The following CNTNAP2 variants were observed in gnomAD, a reference collection of about 807,000 sequenced individuals.
CNTNAP2 encodes the protein contactin associated protein 2.
CNTNAP2 carries 98 observed loss-of-function variants against 155.2 expected under a neutral mutation model. The observed-to-expected ratio is 0.63, with a 90% CI of 0.54 to 0.75. The LOEUF is 0.75. Among genes scored for constraint, CNTNAP2 ranks in the 30% least tolerant of loss-of-function variants. The pLI is 0.00. For synonymous variants in CNTNAP2, 651 were observed against 631.2 expected (o/e 1.03, Z -0.47); for missense variants, 1,727 against 1,688.1 (o/e 1.02, Z -0.40).
At chr7:148,202,741 C>T (rs1795387276) in intron 18 of CNTNAP2, among the ~76,000 whole-genome samples, 1 of 152,152 alleles carries the variant, frequency 6.6e-6, no homozygotes, top group Non-Finnish European at 1.5e-5. Context: ...GGCAAATGCC[C>T]CCACGATGTT....
At chr7:148,161,332 T>C (rs1805534436) in intron 17 of CNTNAP2, among the ~76,000 whole-genome samples, 1 of 152,180 alleles carries the variant, frequency 6.6e-6, no homozygotes, top group East Asian at 1.9e-4. Context: ...GTCCTGTCAT[T>C]TCGCCTTCTG....
intron 1 of CNTNAP2, among the ~76,000 whole-genome samples, chr7:146,546,994 T>C (rs939687908): frequency 1.3e-5 from 2 of 151,916 alleles, no homozygotes; most frequent in African/African-American, 4.8e-5. Flanking sequence ...TGTATCCACC[T>C]GAAGAAGAGA....
intron 10 of CNTNAP2, among the ~76,000 whole-genome samples, chr7:147,439,810 T>C (rs1436704299): frequency 6.6e-6 from 1 of 152,120 alleles, no homozygotes; most frequent in African/African-American, 2.4e-5. Flanking sequence ...TCTTGCTGAA[T>C]TGACCCCTTT....
At chr7:147,623,056 T>C (rs1335576741) in intron 12 of CNTNAP2, among the ~76,000 whole-genome samples, 1 of 151,994 alleles carries the variant, frequency 6.6e-6, no homozygotes. Flanking sequence ...CCTAGCAAGA[T>C]TTAACCAGGA....
intron 1 of CNTNAP2, among the ~76,000 whole-genome samples, chr7:146,412,535 A>G (rs949302604): frequency 2.6e-5 from 4 of 152,194 alleles, no homozygotes; most frequent in African/African-American, 9.6e-5. Flanking sequence ...TGTGAATAAT[A>G]TCTACTCAGG....
At chr7:147,988,214 T>A (rs1159706295) in intron 15 of CNTNAP2, among the ~76,000 whole-genome samples, 1 of 152,190 alleles carries the variant, frequency 6.6e-6, no homozygotes, top group Non-Finnish European at 1.5e-5. Flanking sequence ...GATAAAAGAT[T>A]GTGGATACCA....
At chr7:148,056,653 C>G (rs971218338) in intron 15 of CNTNAP2, 2 of 152,118 alleles carry the variant, frequency 1.3e-5, no homozygotes, top group Non-Finnish European at 2.9e-5. Context: ...GATCTGTGGT[C>G]CCTCCCGCAA....
At chr7:146,891,296 T>C (rs1208728561) in intron 3 of CNTNAP2, among the ~76,000 whole-genome samples, 2 of 152,084 alleles carry the variant, frequency 1.3e-5, no homozygotes, top group Non-Finnish European at 2.9e-5. Flanking sequence ...ACTTATTGGG[T>C]ACTGTGATCA....
intron 1 of CNTNAP2, among the ~76,000 whole-genome samples, chr7:146,755,221 C>T (rs368546040): frequency 4.6e-5 from 7 of 151,980 alleles, no homozygotes; most frequent in South Asian, 2.1e-4. Flanking sequence ...TTGGTGTTGT[C>T]GGTTACTTTG....
At chr7:147,470,503 T>C (rs1584753296) in intron 10 of CNTNAP2, among the ~76,000 whole-genome samples, 1 of 151,966 alleles carries the variant, frequency 6.6e-6, no homozygotes, top group African/African-American at 2.4e-5. Context: ...ATTAGGGTAA[T>C]AGCAGTAGAG....
chr7:146,922,101 G>T lies in CNTNAP2; in HGVS notation c.402+82197G>T, dbSNP rs566330315. On this transcript the variant is annotated intron_variant, in intron 3 of 23. Coordinates refer to ENST00000361727, the MANE Select transcript of CNTNAP2 (RefSeq NM_014141.6). ...CACCCAGTAATAATGCCAGTAGTCTGTTTATATGACATGCACAATCATTTT... is the reference window on the plus strand; with the variant it reads ...CACCCAGTAATAATGCCAGTAGTCTTTTTATATGACATGCACAATCATTTT... 9.9e-5 allele frequency among the ~76,000 whole-genome samples: 15 copies of T among 152,138 alleles called. No individual in the cohort carries two copies. In the South Asian group the frequency reaches 3.1e-3, roughly 32 times the overall value.
At chr7:148,343,352 T>C (rs1252184747) in intron 21 of CNTNAP2, among the ~76,000 whole-genome samples, 1 of 152,238 alleles carries the variant, frequency 6.6e-6, no homozygotes, top group Non-Finnish European at 1.5e-5. Context: ...AGTACAGTGC[T>C]TCTCAGACTA....
At chr7:147,591,887 T>G (rs1304190641) in intron 12 of CNTNAP2, among the ~76,000 whole-genome samples, 1 of 152,156 alleles carries the variant, frequency 6.6e-6, no homozygotes, top group African/African-American at 2.4e-5. Context: ...CTTTACAAAT[T>G]TTCTTTGCCT....
intron 4 of CNTNAP2, among the ~76,000 whole-genome samples, chr7:147,052,938 A>G (rs910004269): frequency 6.6e-6 from 1 of 152,040 alleles, no homozygotes; most frequent in Non-Finnish European, 1.5e-5. Context: ...TGTTCTTGCC[A>G]TTAAGAGATC....
In CNTNAP2 at chr7:146,833,287, C is replaced by T. The variant is rs1054543110; in HGVS notation, c.209-6424C>T. Among the ~76,000 whole-genome samples, 8 of 152,090 alleles carry T rather than the reference C, an allele frequency of 5.3e-5. No individual in the cohort carries two copies. The East Asian group carries it at 1.2e-3, about 22-fold the overall frequency. ...GTTGAACTTTTGACTTTGTTGACTT[C>T]GTGGCATTGGATTTCATTCCTGTCA... is the stretch of plus-strand genomic sequence containing the variant. On this transcript the variant is annotated intron_variant, in intron 2 of 23. Coordinates refer to ENST00000361727, the MANE Select transcript of CNTNAP2 (RefSeq NM_014141.6).
At chr7:146,721,889 A>ATATATATATATATTTTTTTTTTTTTTTTT in intron 1 of CNTNAP2, among the ~76,000 whole-genome samples, 1 of 69,736 alleles carries the variant, frequency 1.4e-5, no homozygotes, top group African/African-American at 1.9e-4. Context: ...ATATATATAT[A>ATATATATATATATTTTTTTTTTTTTTTTT]TTTTTTTTTT....
chr7:146,637,917 T>C (rs1174337657), intron 1 of CNTNAP2, among the ~76,000 whole-genome samples: 1 of 152,226 alleles, frequency 6.6e-6, no homozygotes, highest in African/African-American at 2.4e-5. Flanking sequence ...TGTTATTTGA[T>C]TTGTACAAAT....
intron 15 of CNTNAP2, among the ~76,000 whole-genome samples, chr7:147,989,024 G>A (rs1801667656): frequency 6.6e-6 from 1 of 152,194 alleles, no homozygotes; most frequent in South Asian, 2.1e-4. Flanking sequence ...AAGTGGAGGA[G>A]ATTAGGATGG....
intron 3 of CNTNAP2, among the ~76,000 whole-genome samples, chr7:146,842,069 T>C (rs1350201631): frequency 6.6e-6 from 1 of 151,974 alleles, no homozygotes; most frequent in Admixed American, 6.6e-5. Flanking sequence ...GTATTTTTAG[T>C]AGAGACAGGG....
Sources: gnomAD v4.1 joint callset for allele counts (sites outside exome capture counted in the v4.1 genomes callset) on GRCh38, gnomAD v4.1.1 for gene constraint, MANE v1.5 for transcripts, NCBI Gene and HGNC (gene_info 2026-07-23, HGNC 2026-07-21) for gene names.